Variants in TAS2R1 observed in about 807,000 individuals in gnomAD.
The protein encoded by TAS2R1 is taste receptor type 2 member 1.
For missense variants in TAS2R1, 370 were observed against 353.4 expected (o/e 1.05, Z -0.38); for synonymous variants, 141 against 134.2 (o/e 1.05, Z -0.35).
chr5:9,881,099 T>C, the TAS2R1 span, among the ~76,000 whole-genome samples: 14 of 152,070 alleles, frequency 9.2e-5, no homozygotes, highest in Non-Finnish European at 1.9e-4. Flanking sequence ...CAGTGCAGCA[T>C]AATCCTTCCA....
upstream of TAS2R1, among the ~76,000 whole-genome samples, chr5:9,716,439 GCTAA>G (rs1221885298): frequency 6.6e-6 from 1 of 151,980 alleles, no homozygotes; most frequent in Non-Finnish European, 1.5e-5. Flanking sequence ...CCTGCTTTTA[GCTAA>G]CTAAGGAGAA....
intron 1 of TAS2R1, among the ~76,000 whole-genome samples, chr5:9,706,351 G>A (rs916887511): frequency 4.6e-5 from 7 of 152,160 alleles, no homozygotes; most frequent in African/African-American, 1.7e-4. Flanking sequence ...AAACACCTGT[G>A]ACCAAACCAG....
intron 1 of TAS2R1, among the ~76,000 whole-genome samples, chr5:9,702,043 A>C (rs573474694): frequency 4.6e-5 from 7 of 152,182 alleles, no homozygotes; most frequent in Non-Finnish European, 5.9e-5. Flanking sequence ...TTGAGCATGA[A>C]ATCCACTCCT....
At chr5:9,840,857 A>ATTTTTTTTTTTTTTTTTTTTTTTTTTTT in the TAS2R1 span, among the ~76,000 whole-genome samples, 2 of 132,084 alleles carry the variant, frequency 1.5e-5, no homozygotes, top group African/African-American at 5.6e-5. Context: ...TTATTTATTT[A>ATTTTTTTTTTTTTTTTTTTTTTTTTTTT]TTTTTTTTTT....
chr5:9,720,161 T>C, the TAS2R1 span, among the ~76,000 whole-genome samples: 1 of 152,304 alleles, frequency 6.6e-6, no homozygotes, highest in Non-Finnish European at 1.5e-5. Flanking sequence ...AGTTAAATAG[T>C]TGATTATTAA....
the TAS2R1 span, among the ~76,000 whole-genome samples, chr5:9,840,890 T>TGAGATGGAG: frequency 9.4e-6 from 1 of 106,768 alleles, no homozygotes; most frequent in African/African-American, 3.4e-5. Flanking sequence ...TTTTTTTTTT[T>TGAGATGGAG]TTTGAGATGG....
At chr5:9,692,856 C>A (rs1308060781) in intron 1 of TAS2R1, among the ~76,000 whole-genome samples, 1 of 152,098 alleles carries the variant, frequency 6.6e-6, no homozygotes, top group South Asian at 2.1e-4. Flanking sequence ...TTCCCTCAAC[C>A]CTGATTTCCT....
chr5:9,722,210 C>A, the TAS2R1 span, among the ~76,000 whole-genome samples: 1 of 152,224 alleles, frequency 6.6e-6, no homozygotes, highest in African/African-American at 2.4e-5. Context: ...GAGGACCCCC[C>A]ACAGGGGACC....
At chr5:9,892,142 G>A in the TAS2R1 span, among the ~76,000 whole-genome samples, 1 of 152,146 alleles carries the variant, frequency 6.6e-6, no homozygotes, top group East Asian at 1.9e-4. Flanking sequence ...GCAGATTTAG[G>A]GGGTTTTATT....
rs375234229 is a variant in TAS2R1, at chr5:9,711,661, GTATTTATT to G, written c.-242+503_-242+510del. On this transcript the variant is annotated intron_variant, in intron 1 of 2. Transcript: ENST00000506620. ...TTGATAAGAGAACAGACTTCATGTT[GTATTTATT>G]TATTTATTTATTTTCTGAAATGGAG... Among the ~76,000 whole-genome samples, 910 of 152,098 alleles carry G rather than the reference GTATTTATT, an allele frequency of 6.0e-3. 7 individuals are homozygous for G. The highest frequency in any genetic ancestry group is 0.021 in the African/African-American group (871 of 41,494).
At chr5:9,715,542 G>A (rs1439045155), upstream of TAS2R1, among the ~76,000 whole-genome samples, 2 of 152,254 alleles carry the variant, frequency 1.3e-5, no homozygotes, top group African/African-American at 4.8e-5. Flanking sequence ...TCCCAAGGGA[G>A]TGCCAGCTTT....
the TAS2R1 span, among the ~76,000 whole-genome samples, chr5:9,752,817 T>G: frequency 6.6e-6 from 1 of 152,042 alleles, no homozygotes; most frequent in Non-Finnish European, 1.5e-5. Flanking sequence ...TTTCTCCTTG[T>G]GATAGTTTGC....
chr5:9,774,013 T>C, the TAS2R1 span, among the ~76,000 whole-genome samples: 1 of 152,190 alleles, frequency 6.6e-6, no homozygotes, highest in East Asian at 1.9e-4. Flanking sequence ...TTTCTACCCC[T>C]ATCTCTTTTT....
the TAS2R1 span, among the ~76,000 whole-genome samples, chr5:9,774,650 G>A: frequency 6.6e-6 from 1 of 152,362 alleles, no homozygotes; most frequent in African/African-American, 2.4e-5. Context: ...GCATTAGGGG[G>A]CACCCCAAGC....
the TAS2R1 span, among the ~76,000 whole-genome samples, chr5:9,818,345 T>C: frequency 6.6e-6 from 1 of 152,300 alleles, no homozygotes; most frequent in East Asian, 1.9e-4. Context: ...CTCTCTAGAG[T>C]ATATGCCTTG....
the TAS2R1 span, among the ~76,000 whole-genome samples, chr5:9,812,430 A>G: frequency 1.3e-5 from 2 of 152,210 alleles, no homozygotes; most frequent in South Asian, 4.2e-4. Context: ...GAATGGATCA[A>G]TCCAGCAGAT....
the TAS2R1 span, among the ~76,000 whole-genome samples, chr5:9,869,714 T>C: frequency 1.3e-5 from 2 of 152,248 alleles, no homozygotes; most frequent in Non-Finnish European, 2.9e-5. Flanking sequence ...TGGGACTAGA[T>C]TGTTGAAAGT....
chr5:9,803,340 C>T, the TAS2R1 span, among the ~76,000 whole-genome samples: 2 of 152,188 alleles, frequency 1.3e-5, no homozygotes, highest in African/African-American at 2.4e-5. Flanking sequence ...ATGAGGAAAA[C>T]TTTCCTGGCC....
chr5:9,773,096 C>T, the TAS2R1 span, among the ~76,000 whole-genome samples: 3 of 151,770 alleles, frequency 2.0e-5, no homozygotes, highest in Non-Finnish European at 4.4e-5. Flanking sequence ...TTCCTTCCTT[C>T]ATTTCTTTTT....
Sources: allele counts gnomAD v4.1 joint callset (sites outside exome capture counted in the v4.1 genomes callset), GRCh38; gene constraint gnomAD v4.1.1; transcripts MANE v1.5; gene names NCBI Gene and HGNC (gene_info 2026-07-23, HGNC 2026-07-21).